GC: variants seen among roughly 807,000 people sequenced by gnomAD.
GC encodes vitamin D-binding protein.
In GC, 43 loss-of-function variants were observed where a neutral mutation model predicts 56.7. The ratio of observed to expected loss-of-function variants is 0.76; its 90% CI spans 0.59 to 0.98. The LOEUF is 0.98. GC is among the 50% of genes least tolerant of loss of function. The pLI, the probability that GC is intolerant of heterozygous loss-of-function variation, is 0.00. For synonymous variants in GC, 216 were observed against 202.7 expected, an observed-to-expected ratio of 1.07 and a Z score of -0.56; for missense variants, 529 against 545.9, an observed-to-expected ratio of 0.97 and a Z score of 0.31.
intron 12 of GC, among the ~76,000 whole-genome samples, chr4:71,744,103 C>G (rs1741272446): frequency 6.6e-6 from 1 of 152,050 alleles, no homozygotes; most frequent in South Asian, 2.1e-4. Flanking sequence ...TCTTCATTAG[C>G]TTGTCACTGA....
At position 71,756,786 on chromosome 4, in the gene GC, G is replaced by A. The variant is rs755441985; in HGVS notation, c.960C>T (p.Leu320=). The A allele has an allele frequency of 6.2e-6, 10 of 1,613,756 alleles. No individual in the cohort carries two copies. The highest frequency in any genetic ancestry group is 3.3e-4 in the Middle Eastern group (2 of 6,084). The change falls in exon 8 of 13, where the codon CTC becomes CTT. Residue 320 remains leucine, a synonymous_variant. Transcript: ENST00000273951. ...GCAACTCTACATCTGGAAGCTCGGG[G>A]AGTTGGGCAGCTGGCATGAAGTAAG... is the stretch of plus-strand genomic sequence containing the variant. The part of the protein sequence containing the change: ...VCTYFMPAAQ[L]PELPDVELPT...
intron 1 of GC, among the ~76,000 whole-genome samples, chr4:71,798,180 T>A (rs1743154564): frequency 6.6e-6 from 1 of 152,254 alleles, no homozygotes; most frequent in South Asian, 2.1e-4. Context: ...GTTCCTATTT[T>A]GCTGCTGATG....
intron 1 of GC, among the ~76,000 whole-genome samples, chr4:71,772,457 C>T (rs1404462695): frequency 1.3e-5 from 2 of 152,124 alleles, no homozygotes; most frequent in Non-Finnish European, 2.9e-5. Flanking sequence ...TCTCATTTCA[C>T]TAAAAATGTA....
Position 71,763,968 on chromosome 4 carries a change from A to C in GC, c.474-32T>G, listed in dbSNP as rs144145909. On this transcript the variant is annotated intron_variant, in intron 4 of 12. Coordinates refer to ENST00000273951, the MANE Select transcript of GC (RefSeq NM_000583.4). ...AGGAAAAAATAGAATTGGTCAAAAAATTTGTGAATAAACAAAATCTACTTT... is the reference window on the plus strand; with the variant it reads ...AGGAAAAAATAGAATTGGTCAAAAACTTTGTGAATAAACAAAATCTACTTT... 2.9e-4 allele frequency: 454 copies of C among 1,570,240 alleles called. 2 individuals are homozygous for C. The African/African-American group carries it at 5.3e-3, about 18-fold the overall frequency.
intron 4 of GC, among the ~76,000 whole-genome samples, chr4:71,764,964 G>T (rs997706829): frequency 6.6e-6 from 1 of 152,136 alleles, no homozygotes. Flanking sequence ...TGATGTAGTA[G>T]ATGTGTCATA....
intron 10 of GC, among the ~76,000 whole-genome samples, 192 bp from the exon 11 acceptor site, chr4:71,752,842 G>A (rs966649797): frequency 1.3e-5 from 2 of 151,936 alleles, no homozygotes; most frequent in Non-Finnish European, 2.9e-5. Flanking sequence ...ATGCCTCTTC[G>A]AGATCATAAA....
At chr4:71,741,954 A>T (rs575717758) in intron 12 of GC, 84 bp from the exon 13 acceptor site, 80 of 700,200 alleles carry the variant, frequency 1.1e-4, no homozygotes, top group Non-Finnish European at 2.0e-4. Context: ...AGACGCATAT[A>T]AACTCATGCT....
intron 12 of GC, among the ~76,000 whole-genome samples, chr4:71,742,939 A>T (rs1415908292): frequency 6.6e-6 from 1 of 152,080 alleles, no homozygotes; most frequent in African/African-American, 2.4e-5. Flanking sequence ...GTGCCACTGC[A>T]CTCCAGACTG....
At chr4:71,784,390 T>C, upstream of GC, 1 of 930,436 alleles carries the variant, frequency 1.1e-6, no homozygotes, top group Non-Finnish European at 1.3e-6. Flanking sequence ...TCTCCCCCTG[T>C]ATAGGGCTGT....
intron 6 of GC, among the ~76,000 whole-genome samples, chr4:71,760,435 A>C (rs1393723190): frequency 6.6e-6 from 1 of 152,222 alleles, no homozygotes; most frequent in South Asian, 2.1e-4. Context: ...GAGGAAAAAA[A>C]CTTGTGAGGA....
At chr4:71,762,401 C>T (rs1283976996) in intron 6 of GC, among the ~76,000 whole-genome samples, 1 of 152,132 alleles carries the variant, frequency 6.6e-6, no homozygotes, top group African/African-American at 2.4e-5. Flanking sequence ...TTTACAGGCT[C>T]ATAGGCAGAA....
chr4:71,784,921 T>A (rs1026142381), upstream of GC, among the ~76,000 whole-genome samples: 1 of 151,636 alleles, frequency 6.6e-6, no homozygotes, highest in African/African-American at 2.4e-5. Flanking sequence ...GAGCACTGGG[T>A]AAATTCTGTG....
At chr4:71,752,070 AT>A (rs1329095783) in intron 11 of GC, among the ~76,000 whole-genome samples, 3 of 152,100 alleles carry the variant, frequency 2.0e-5, no homozygotes, top group African/African-American at 7.2e-5. Flanking sequence ...CTACCTGCCT[AT>A]ATATGCATAT....
intron 1 of GC, among the ~76,000 whole-genome samples, chr4:71,803,496 A>G (rs921709193): frequency 6.6e-6 from 1 of 152,188 alleles, no homozygotes; most frequent in African/African-American, 2.4e-5. Flanking sequence ...AGGTATTGTC[A>G]TTTGAGTTCT....
chr4:71,752,308 T>C (rs1236539925), intron 11 of GC, among the ~76,000 whole-genome samples: 2 of 152,214 alleles, frequency 1.3e-5, no homozygotes, highest in East Asian at 3.8e-4. Context: ...TTTCCTAAGT[T>C]TTACAACTAC....
At chr4:71,755,651 A>C (rs1469676057) in intron 8 of GC, among the ~76,000 whole-genome samples, 1 of 152,204 alleles carries the variant, frequency 6.6e-6, no homozygotes, top group Non-Finnish European at 1.5e-5. Context: ...AAAGCTTTGC[A>C]TGTAATATAC....
chr4:71,797,359 C>T (rs1042977928), intron 1 of GC, among the ~76,000 whole-genome samples: 8 of 152,242 alleles, frequency 5.3e-5, no homozygotes, highest in Non-Finnish European at 8.8e-5. Context: ...TAATGGCTTC[C>T]CAGACACTTT....
At chr4:71,790,206 A>G (rs1390015539) in intron 1 of GC, among the ~76,000 whole-genome samples, 1 of 152,012 alleles carries the variant, frequency 6.6e-6, no homozygotes, top group Non-Finnish European at 1.5e-5. Context: ...GGTTTTTGCC[A>G]TTAAAAGTCA....
intron 12 of GC, among the ~76,000 whole-genome samples, chr4:71,745,777 C>A (rs1383534608): frequency 6.6e-6 from 1 of 152,110 alleles, no homozygotes; most frequent in Non-Finnish European, 1.5e-5. Context: ...CCCTTTCCTC[C>A]TAAGGTCCTT....
Sources: allele counts gnomAD v4.1 joint callset (sites outside exome capture counted in the v4.1 genomes callset), GRCh38; gene constraint gnomAD v4.1.1; transcripts MANE v1.5; gene names NCBI Gene and HGNC (gene_info 2026-07-23, HGNC 2026-07-21).